The following ZFYVE26 variants were observed in gnomAD, a reference collection of about 807,000 sequenced individuals.
The protein encoded by ZFYVE26 is zinc finger FYVE domain-containing protein 26.
A neutral mutation model predicts 276.5 loss-of-function variants in ZFYVE26; 181 were observed. That is an observed-to-expected ratio of 0.65 (90% CI 0.58 to 0.74). The LOEUF is 0.74. Ranked by LOEUF, ZFYVE26 falls within the 30% of genes least tolerant of loss-of-function variation. ZFYVE26 has a pLI of 0.00. For missense variants in ZFYVE26, 2,821 were observed against 3,097.9 expected (o/e 0.91, Z 2.12); for synonymous variants, 1,129 against 1,203.1 (o/e 0.94, Z 1.27).
rs536430650 is a variant in ZFYVE26 at position 67,804,010 on chromosome 14, G to C, written c.1435+91C>G. On this transcript the variant is annotated intron_variant, in intron 9 of 41. Coordinates refer to ENST00000347230, the MANE Select transcript of ZFYVE26 (RefSeq NM_015346.4). ...CTCACCACCCTCTTGAAAGATCTCAGCAATCACATCTGGATAAATCTCATG... is the reference window on the plus strand; with the variant it reads ...CTCACCACCCTCTTGAAAGATCTCACCAATCACATCTGGATAAATCTCATG... 154 of 1,552,840 alleles carry C rather than the reference G, an allele frequency of 9.9e-5. No individual in the cohort carries two copies. In the African/African-American group the frequency reaches 2.0e-3, roughly 20 times the overall value.
At chr14:67,809,460 T>C (rs1019777093) in intron 3 of ZFYVE26, among the ~76,000 whole-genome samples, 171 bp from the exon 4 acceptor site, 3 of 149,226 alleles carry the variant, frequency 2.0e-5, no homozygotes, top group African/African-American at 7.4e-5. Context: ...TCTTGCTCTG[T>C]TCCCCAGGCT....
chr14:67,735,476 C>A, intron 13 of ZFYVE26: 1 of 576,828 alleles, frequency 1.7e-6, no homozygotes. Flanking sequence ...GATTGGTGGC[C>A]GAGACACCGT....
chr14:67,811,202 G>A (rs1019026666), intron 3 of ZFYVE26, among the ~76,000 whole-genome samples: 3 of 152,106 alleles, frequency 2.0e-5, no homozygotes, highest in Non-Finnish European at 2.9e-5. Flanking sequence ...TAATAGCCTG[G>A]CTAAGATTTT....
chr14:67,755,018 C>T (rs1049506423), intron 37 of ZFYVE26, 33 bp downstream of exon 37: 1 of 1,611,568 alleles, frequency 6.2e-7, no homozygotes, highest in African/African-American at 1.3e-5. Context: ...CCCTTTCTGC[C>T]CCACACCAAT....
In ZFYVE26 at chr14:67,752,385, G is replaced by A; in HGVS notation, c.7330C>T (p.Leu2444Phe). 6.2e-7 allele frequency: 1 copy of A among 1,612,828 alleles called. No homozygotes were observed. Among genetic ancestry groups the A allele is most frequent in the Non-Finnish European group, 8.5e-7 (1 of 1,179,508 alleles). ...TTGAACGCTTCCAGGCAGTTGAGGA[G>A]GATGGTGTCCCCGTCACTTTTGGCT... ...MAAKSDGDTI[L>F]LNCLEAFKRI... The change falls in exon 40 of 42, where the codon CTC becomes TTC. Residue 2444 changes from leucine to phenylalanine, a missense_variant. Coordinates refer to ENST00000347230, the MANE Select transcript of ZFYVE26 (RefSeq NM_015346.4).
At chr14:67,776,540 C>A (rs1566877996) in intron 25 of ZFYVE26, among the ~76,000 whole-genome samples, 1 of 152,176 alleles carries the variant, frequency 6.6e-6, no homozygotes, top group Non-Finnish European at 1.5e-5. Context: ...TGGCCTGGAC[C>A]CTCCAGGTAT....
Position 67,778,211 on chromosome 14 carries a change from G to T in ZFYVE26, c.4712C>A (p.Pro1571His), listed in dbSNP as rs1224729069. 1.9e-6 allele frequency: 3 copies of T among 1,614,150 alleles called. No individual in the cohort carries two copies. The highest frequency in any genetic ancestry group is 2.5e-6 in the Non-Finnish European group (3 of 1,180,016). ...ELCEEWGCLY[P>H]IPREHLISLH... is the part of the protein sequence containing the mutation. Reference sequence around the variant, plus strand: ...GCTGATTAAATGTTCTCTTGGAATGGGGTACAGGCAGCCCCACTCTTCACA... The same window carrying T: ...GCTGATTAAATGTTCTCTTGGAATGTGGTACAGGCAGCCCCACTCTTCACA... The change falls in exon 24 of 42, where the codon CCC becomes CAC. Residue 1571 changes from proline (P) to histidine (H), a missense_variant. Pro to His is a moderately conservative substitution (Grantham distance 77, BLOSUM62 -2). Transcript: ENST00000347230.
intron 10 of ZFYVE26, 79 bp from the exon 11 acceptor site, chr14:67,798,701 C>A (rs887443781): frequency 1.9e-6 from 3 of 1,578,446 alleles, no homozygotes; most frequent in Admixed American, 1.7e-5. Context: ...TACCTCCCAG[C>A]GTCAAACATT....
At chr14:67,795,920 G>T (rs2039942451) in intron 12 of ZFYVE26, among the ~76,000 whole-genome samples, 1 of 152,074 alleles carries the variant, frequency 6.6e-6, no homozygotes, top group Non-Finnish European at 1.5e-5. Flanking sequence ...TATGTGAAAA[G>T]ATATTCAATC....
At chr14:67,757,212 G>C (rs2038800838) in intron 35 of ZFYVE26, among the ~76,000 whole-genome samples, 1 of 152,182 alleles carries the variant, frequency 6.6e-6, no homozygotes, top group Non-Finnish European at 1.5e-5. Context: ...CCTCTTGTCA[G>C]TCTAACGCCC....
At chr14:67,737,475 T>C (rs1156606926) in intron 13 of ZFYVE26, among the ~76,000 whole-genome samples, 1 of 152,084 alleles carries the variant, frequency 6.6e-6, no homozygotes, top group Non-Finnish European at 1.5e-5. Flanking sequence ...TCAGGTCTCA[T>C]GAGAACTCTC....
At position 67,809,858 on chromosome 14, in the gene ZFYVE26, C is replaced by T. The variant is rs1009513720; in HGVS notation, c.274-569G>A. On this transcript the variant is annotated intron_variant, in intron 3 of 41. Transcript: ENST00000347230. ...GGAGTGTAGTGGCGCAATCTCAGCT[C>T]ATTGCAACCTCCGCCTCCTGGGTTC... Among the ~76,000 whole-genome samples the T allele has an allele frequency of 3.5e-5, 5 of 144,924 alleles. No homozygotes were observed. The East Asian group carries it at 8.0e-4, about 23-fold the overall frequency.
At chr14:67,805,404 C>T (rs781494368) in intron 7 of ZFYVE26, 50 bp downstream of exon 7, 6 of 1,613,722 alleles carry the variant, frequency 3.7e-6, no homozygotes, top group South Asian at 1.1e-5. Flanking sequence ...AAGCCCGAAG[C>T]CCCACGTCTC....
In ZFYVE26 at chr14:67,733,809, G is replaced by A. The variant is rs2038317129; in HGVS notation, n.2680-3990C>T. On this transcript the variant is annotated intron_variant and non_coding_transcript_variant, in intron 13 of 14. Coordinates refer to the ZFYVE26 transcript ENST00000394455. ...ATAACAAAACAGCTGAGCGCCTATG[G>A]AATGTCAGCTGTGAGCTTCTAGGAA... The A allele has an allele frequency of 6.2e-7, 1 of 1,613,476 alleles. No individual in the cohort carries two copies. The highest frequency in any genetic ancestry group is 8.5e-7 in the Non-Finnish European group (1 of 1,179,576).
chr14:67,761,354 T>A lies in ZFYVE26; in HGVS notation c.6588+12A>T, dbSNP rs988245560. On this transcript the variant is annotated intron_variant, in intron 35 of 41. Transcript: ENST00000347230. Reference sequence around the variant, plus strand: ...GCAGGCACTGCCTTTTTGAGCTGTGTCCATGTCCCACCTTGTTGAGAAGGT... The same window carrying A: ...GCAGGCACTGCCTTTTTGAGCTGTGACCATGTCCCACCTTGTTGAGAAGGT... 5 of 1,609,256 alleles carry A rather than the reference T, an allele frequency of 3.1e-6. No homozygotes were observed. The highest frequency in any genetic ancestry group is 4.2e-6 in the Non-Finnish European group (5 of 1,177,516).
chr14:67,768,026 C>T (rs2039104379), intron 30 of ZFYVE26, among the ~76,000 whole-genome samples, 186 bp from the exon 31 acceptor site: 1 of 152,190 alleles, frequency 6.6e-6, no homozygotes, highest in Non-Finnish European at 1.5e-5. Flanking sequence ...CTTCCCCAGG[C>T]ATAGACCTGA....
chr14:67,754,304 A>C (rs1190990600), intron 37 of ZFYVE26, 92 bp from the exon 38 acceptor site: 1 of 1,540,580 alleles, frequency 6.5e-7, no homozygotes, highest in African/African-American at 1.4e-5. Flanking sequence ...ATGGCAATGA[A>C]AAAGGGAAAA....
intron 13 of ZFYVE26, among the ~76,000 whole-genome samples, chr14:67,735,026 A>G (rs559532950): frequency 5.3e-5 from 8 of 152,344 alleles, no homozygotes; most frequent in Admixed American, 3.9e-4. Context: ...GAAAGTTTCC[A>G]TCATATCCCA....
chr14:67,771,687 C>G (rs1351260122), intron 28 of ZFYVE26, among the ~76,000 whole-genome samples: 1 of 152,084 alleles, frequency 6.6e-6, no homozygotes, highest in Non-Finnish European at 1.5e-5. Context: ...GAACCCAGGC[C>G]CTCTGTCTCC....
Sources: gnomAD v4.1 joint callset for allele counts (sites outside exome capture counted in the v4.1 genomes callset) on GRCh38, gnomAD v4.1.1 for gene constraint, MANE v1.5 for transcripts, NCBI Gene and HGNC (gene_info 2026-07-23, HGNC 2026-07-21) for gene names.